PTPN3: variants seen among roughly 807,000 people sequenced by gnomAD.
The protein encoded by PTPN3 is tyrosine-protein phosphatase non-receptor type 3.
A neutral mutation model predicts 132.7 loss-of-function variants in PTPN3; 96 were observed. The ratio of observed to expected loss-of-function variants is 0.72; its 90% CI spans 0.61 to 0.86. The LOEUF (loss-of-function observed/expected upper bound fraction) is 0.86, where lower values mean the gene tolerates loss of function less well. PTPN3 is among the 40% of genes least tolerant of loss of function. The probability of loss-of-function intolerance (pLI) is 0.00; values close to 1 mark genes in which losing one functional copy is unlikely to be tolerated. For synonymous variants in PTPN3, 398 were observed against 429.0 expected (o/e 0.93, Z 0.89); for missense variants, 1,125 against 1,159.6 (o/e 0.97, Z 0.43).
At chr9:109,525,795 G>T in the PTPN3 span, among the ~76,000 whole-genome samples, 1 of 152,324 alleles carries the variant, frequency 6.6e-6, no homozygotes, top group Non-Finnish European at 1.5e-5. Flanking sequence ...ATTTTCTATA[G>T]CTTGATTGTG....
Position 109,457,402 on chromosome 9 carries a change from A to C in PTPN3, c.139-3T>G, listed in dbSNP as rs1845620896. The C allele has an allele frequency of 6.2e-7, 1 of 1,601,024 alleles. No homozygotes were observed. Reference sequence around the variant, plus strand: ...AGAACCTGGCCAGTGTCTTGTTTCTAGAACAAAGGAAATTATCAAGTGGGA... The same window carrying C: ...AGAACCTGGCCAGTGTCTTGTTTCTCGAACAAAGGAAATTATCAAGTGGGA... On this transcript the variant is annotated splice_polypyrimidine_tract_variant and splice_region_variant and intron_variant, in intron 2 of 25. Coordinates refer to ENST00000374541, the MANE Select transcript of PTPN3 (RefSeq NM_002829.4).
intron 16 of PTPN3, among the ~76,000 whole-genome samples, chr9:109,409,665 T>C (rs1336574607): frequency 6.6e-6 from 1 of 151,786 alleles, no homozygotes; most frequent in Non-Finnish European, 1.5e-5. Context: ...ACAAAAAATA[T>C]GAAAAAAATT....
intron 12 of PTPN3, among the ~76,000 whole-genome samples, chr9:109,426,099 G>A (rs1843262634): frequency 6.6e-6 from 1 of 150,472 alleles, no homozygotes; most frequent in African/African-American, 2.4e-5. Flanking sequence ...ATACTTAGAG[G>A]GTAGTCTTAG....
chr9:109,402,573 C>T (rs1431053732), intron 19 of PTPN3, among the ~76,000 whole-genome samples: 1 of 152,094 alleles, frequency 6.6e-6, no homozygotes, highest in East Asian at 1.9e-4. Flanking sequence ...GCCACTGCAC[C>T]CAGCCTACAT....
At chr9:109,391,053 C>G (rs557727776) in intron 21 of PTPN3, 85 bp downstream of exon 21, 5 of 1,265,882 alleles carry the variant, frequency 3.9e-6, no homozygotes, top group Non-Finnish European at 5.7e-6. Flanking sequence ...AGCACTGTGT[C>G]AACTGCAAAG....
chr9:109,391,876 G>GA (rs1446775886), intron 19 of PTPN3, among the ~76,000 whole-genome samples: 1 of 102,718 alleles, frequency 9.7e-6, no homozygotes, highest in South Asian at 3.6e-4. Context: ...GATGTGGGGG[G>GA]GGGGGGGAAG....
chr9:109,487,694 T>C (rs902234491), intron 1 of PTPN3, among the ~76,000 whole-genome samples: 7 of 152,156 alleles, frequency 4.6e-5, no homozygotes, highest in Admixed American at 2.0e-4. Context: ...AACTTCTACA[T>C]AGAGAAACTC....
At chr9:109,500,970 A>T (rs375211135), upstream of PTPN3, among the ~76,000 whole-genome samples, 3 of 151,964 alleles carry the variant, frequency 2.0e-5, no homozygotes, top group Non-Finnish European at 2.9e-5. Context: ...AATAGATTGT[A>T]TAAACATGGT....
chr9:109,400,354 A>G (rs1165234987), intron 19 of PTPN3, among the ~76,000 whole-genome samples: 2 of 152,164 alleles, frequency 1.3e-5, no homozygotes, highest in Non-Finnish European at 2.9e-5. Context: ...CACATTAAGT[A>G]TTTATCTCAT....
At chr9:109,408,788 A>ATATATATATATATAT (rs1300361920) in intron 16 of PTPN3, among the ~76,000 whole-genome samples, 32 of 52,852 alleles carry the variant, frequency 6.1e-4, no homozygotes, top group South Asian at 7.8e-4. Flanking sequence ...AATTAAAAAA[A>ATATATATATATATAT]AAAAAAAAAT....
chr9:109,413,575 G>T (rs1013128499), intron 14 of PTPN3, among the ~76,000 whole-genome samples: 3 of 152,184 alleles, frequency 2.0e-5, no homozygotes, highest in African/African-American at 7.2e-5. Flanking sequence ...CACAAGTGGA[G>T]TGAAGAAAGG....
intron 4 of PTPN3, 127 bp from the exon 5 acceptor site, chr9:109,454,701 A>C (rs547224065): frequency 1.2e-5 from 8 of 687,610 alleles, no homozygotes; most frequent in Middle Eastern, 3.1e-4. Flanking sequence ...AAAAGGGCTA[A>C]TTTCAAACAT....
chr9:109,486,894 TCTC>T (rs968906114), intron 1 of PTPN3, among the ~76,000 whole-genome samples: 9 of 152,132 alleles, frequency 5.9e-5, no homozygotes, highest in African/African-American at 2.2e-4. Context: ...GCTCTGCACT[TCTC>T]CTTGCTGCTG....
At chr9:109,513,437 C>G in the PTPN3 span, among the ~76,000 whole-genome samples, 14 of 152,194 alleles carry the variant, frequency 9.2e-5, no homozygotes, top group African/African-American at 3.4e-4. Flanking sequence ...ACGAGCTCCC[C>G]TAGACATTTA....
chr9:109,433,539 T>A (rs1843812215), intron 9 of PTPN3, among the ~76,000 whole-genome samples: 1 of 152,242 alleles, frequency 6.6e-6, no homozygotes, highest in Admixed American at 6.5e-5. Flanking sequence ...TCCATTACTG[T>A]AAAGGCTTTA....
At chr9:109,495,585 T>C (rs938262526) in intron 1 of PTPN3, among the ~76,000 whole-genome samples, 5 of 152,146 alleles carry the variant, frequency 3.3e-5, no homozygotes, top group Non-Finnish European at 7.3e-5. Context: ...GGGGTGGGGT[T>C]TGGCAGCAAC....
intron 1 of PTPN3, among the ~76,000 whole-genome samples, chr9:109,479,736 C>T (rs780396669): frequency 9.2e-5 from 14 of 152,204 alleles, no homozygotes; most frequent in Admixed American, 1.3e-4. Context: ...TGTGCCACCA[C>T]GCCCAGCTAA....
the PTPN3 span, among the ~76,000 whole-genome samples, chr9:109,524,160 C>T: frequency 1.3e-5 from 2 of 152,140 alleles, no homozygotes; most frequent in Admixed American, 6.5e-5. Context: ...GGGAGGATCA[C>T]TTGAGCCCAG....
intron 7 of PTPN3, 151 bp downstream of exon 7, chr9:109,445,089 G>C: frequency 1.4e-6 from 1 of 716,750 alleles, no homozygotes; most frequent in Non-Finnish European, 2.4e-6. Flanking sequence ...GCCAGTCTGA[G>C]TAGAAACACA....
Sources: gnomAD v4.1 joint callset for allele counts (sites outside exome capture counted in the v4.1 genomes callset) on GRCh38, gnomAD v4.1.1 for gene constraint, MANE v1.5 for transcripts, NCBI Gene and HGNC (gene_info 2026-07-23, HGNC 2026-07-21) for gene names.